Variants in TIAM1 observed in about 807,000 individuals in gnomAD.
TIAM1 encodes TIAM Rac1 associated GEF 1, also known as rho guanine nucleotide exchange factor TIAM1.
In TIAM1, 65 loss-of-function variants were observed where a neutral mutation model predicts 163.5. The observed-to-expected ratio is 0.40, with a 90% CI of 0.33 to 0.49. The LOEUF (loss-of-function observed/expected upper bound fraction) is 0.49. Among genes scored for constraint, TIAM1 ranks in the 20% least tolerant of loss-of-function variants. TIAM1 has a pLI of 0.77. For synonymous variants in TIAM1, 833 were observed against 810.1 expected, an observed-to-expected ratio of 1.03 and a Z score of -0.48; for missense variants, 1,789 against 2,044.7, an observed-to-expected ratio of 0.87 and a Z score of 2.41.
intron 15 of TIAM1, among the ~76,000 whole-genome samples, chr21:31,176,265 T>C (rs2833325): frequency 0.16 from 24,120 of 152,178 alleles, 3,596 homozygotes; most frequent in African/African-American, 0.4. Context: ...AGAGACTTTT[T>C]TGAAACCTCA....
intron 2 of TIAM1, among the ~76,000 whole-genome samples, chr21:31,414,196 T>C (rs1025365485): frequency 2.0e-5 from 3 of 152,206 alleles, no homozygotes; most frequent in Non-Finnish European, 4.4e-5. Context: ...TCATTTTCTT[T>C]GTGACAGCGG....
upstream of TIAM1, among the ~76,000 whole-genome samples, chr21:31,348,699 G>C (rs142310778): frequency 6.0e-3 from 921 of 152,270 alleles, 5 homozygotes; most frequent in African/African-American, 0.021. Context: ...GGGTCTGCTT[G>C]GGAATACGGA....
intron 2 of TIAM1, among the ~76,000 whole-genome samples, chr21:31,396,020 G>A (rs759568035): frequency 6.6e-6 from 1 of 152,128 alleles, no homozygotes; most frequent in African/African-American, 2.4e-5. Context: ...GGCTAACAGA[G>A]GTCCCCAGAG....
chr21:31,348,817 CT>C (rs141976151), upstream of TIAM1, among the ~76,000 whole-genome samples: 552 of 152,310 alleles, frequency 3.6e-3, 3 homozygotes, highest in African/African-American at 0.012. Context: ...AAAACACAGT[CT>C]TCATTAAATT....
At chr21:31,269,715 C>T (rs1378678671) in intron 3 of TIAM1, among the ~76,000 whole-genome samples, 14 of 150,418 alleles carry the variant, frequency 9.3e-5, no homozygotes, top group African/African-American at 1.7e-4. Context: ...TCTGTCGCCC[C>T]GGCTGGAGTG....
At chr21:31,472,310 T>C (rs954931060) in intron 1 of TIAM1, among the ~76,000 whole-genome samples, 5 of 152,116 alleles carry the variant, frequency 3.3e-5, no homozygotes, top group Non-Finnish European at 7.4e-5. Flanking sequence ...GCAGATCACT[T>C]GAAGGCAGGA....
chr21:31,465,784 A>G (rs1276570446), intron 1 of TIAM1, among the ~76,000 whole-genome samples: 3 of 151,728 alleles, frequency 2.0e-5, no homozygotes, highest in South Asian at 4.2e-4. Context: ...GTTAGCCTGG[A>G]TGGTCTCAAT....
Position 31,154,398 on chromosome 21 carries a change from C to A in TIAM1, c.3020G>T (p.Arg1007Leu), listed in dbSNP as rs77092908. ...AGAGGGGTTCATCTCATGCAAACTG[C>A]GGCAAAATGCGGCCACCTGTTCTGT... ...KSTEQVAAFC[R>L]SLHEMNPSDQ... is the part of the protein sequence containing the mutation. The change falls in exon 17 of 28, where the codon CGC (arginine) becomes CTC (leucine). Residue 1007 changes from arginine (R) to leucine (L), a missense_variant. Physicochemically the swap from Arg to Leu is moderately radical, Grantham distance 102. This residue lies in a region of TIAM1 where 303 missense variants were observed against 321.3 expected (regional missense o/e 0.94). Coordinates refer to ENST00000541036, the MANE Select transcript of TIAM1 (RefSeq NM_001353694.2). The A allele has an allele frequency of 2.6e-5, 42 of 1,613,798 alleles. No individual in the cohort carries two copies. The highest frequency in any genetic ancestry group is 4.0e-5 in the African/African-American group (3 of 74,880).
rs2086973458 is a variant in TIAM1 at position 31,213,100 on chromosome 21, A to G, written c.2217+298T>C. 4.1e-5 allele frequency: 13 copies of G among 315,112 alleles called. No homozygotes were observed. The South Asian group carries it at 5.4e-4, about 13-fold the overall frequency. The allele number at this position is 315,112 out of a possible 1,614,324, so 19.5% of individuals were successfully genotyped here. A position where few individuals can be genotyped will look rare whatever the true frequency, so the allele number is the denominator to read the frequency against. On this transcript the variant is annotated intron_variant, in intron 10 of 27. Transcript: ENST00000541036. ...TACATGGAAAGAAATTGGCAATGGC[A>G]TAAAATATTCAGCTATTCAGAACCC... is the stretch of plus-strand genomic sequence containing the variant.
intron 1 of TIAM1, among the ~76,000 whole-genome samples, chr21:31,493,661 G>A (rs532766842): frequency 3.3e-5 from 5 of 152,154 alleles, no homozygotes; most frequent in Non-Finnish European, 7.3e-5. Context: ...GGTTTGAGAG[G>A]CAACGAAGGG....
intron 2 of TIAM1, among the ~76,000 whole-genome samples, chr21:31,389,443 A>C (rs1448156832): frequency 6.6e-6 from 1 of 152,200 alleles, no homozygotes; most frequent in Non-Finnish European, 1.5e-5. Context: ...TCCTGACCCC[A>C]GGTGATCTGC....
intron 2 of TIAM1, among the ~76,000 whole-genome samples, chr21:31,368,693 A>T (rs2076540344): frequency 6.6e-6 from 1 of 152,226 alleles, no homozygotes; most frequent in South Asian, 2.1e-4. Context: ...TTGTAAGAAG[A>T]AAAGGACGGG....
Position 31,120,512 on chromosome 21 carries a change from A to C in TIAM1, c.4632T>G (p.Asp1544Glu). The C allele has an allele frequency of 6.2e-7, 1 of 1,614,148 alleles. No individual in the cohort carries two copies. The highest frequency in any genetic ancestry group is 1.7e-5 in the Admixed American group (1 of 60,012). Reference sequence around the variant, plus strand: ...GCTGTGCCATGCGGGACGCGTGACTATCCAGGGTTTTCCGGCCTCTTTCCC... The same window carrying C: ...GCTGTGCCATGCGGGACGCGTGACTCTCCAGGGTTTTCCGGCCTCTTTCCC... ...SQRERGRKTL[D>E]SHASRMAQLK... The change falls in exon 28 of 28, where the codon GAT becomes GAG. Residue 1544 changes from aspartate to glutamate, a missense_variant. Around this residue, in one of 5 missense-constraint regions of TIAM1, gnomAD observed 415 missense variants for 439.2 expected, o/e 0.94. Coordinates refer to ENST00000541036, the MANE Select transcript of TIAM1 (RefSeq NM_001353694.2). The surrounding 1 kb of genome is among the most constrained non-coding windows in gnomAD (Gnocchi z 4.2).
At chr21:31,504,978 G>T (rs564868439) in intron 1 of TIAM1, among the ~76,000 whole-genome samples, 21 of 152,264 alleles carry the variant, frequency 1.4e-4, no homozygotes, top group African/African-American at 4.6e-4. Context: ...CAACAAATTT[G>T]TTATTAGCCT....
chr21:31,482,348 C>T (rs13049642), intron 1 of TIAM1, among the ~76,000 whole-genome samples: 14,175 of 151,964 alleles, frequency 0.093, 905 homozygotes, highest in East Asian at 0.14. Flanking sequence ...GACAGGGTTT[C>T]ACCACGCTGT....
In TIAM1 at chr21:31,395,785, G is replaced by A. The variant is rs1191605552; in HGVS notation, c.-368-56363C>T. ...TTATTAAAAGGACGTGAGATGCATG[G>A]AATTAATGAACAACTATCTGTGAAA... On this transcript the variant is annotated intron_variant, in intron 2 of 28. Coordinates refer to the TIAM1 transcript ENST00000286827. This position sits in a 1 kb window ranked among gnomAD's most constrained non-coding sequence, Gnocchi z 7.5. Among the ~76,000 whole-genome samples, 2 of 152,112 alleles carry A rather than the reference G, an allele frequency of 1.3e-5. No individual in the cohort carries two copies. Among genetic ancestry groups the A allele is most frequent in the South Asian group, 2.1e-4 (1 of 4,818 alleles).
chr21:31,361,941 T>C (rs943182736), intron 2 of TIAM1, among the ~76,000 whole-genome samples: 6 of 152,132 alleles, frequency 3.9e-5, no homozygotes, highest in Admixed American at 2.6e-4. Flanking sequence ...TACATGCATG[T>C]AAGTGTATAT....
At chr21:31,381,114 C>T (rs2076772083) in intron 2 of TIAM1, among the ~76,000 whole-genome samples, 1 of 152,174 alleles carries the variant, frequency 6.6e-6, no homozygotes, top group South Asian at 2.1e-4. Flanking sequence ...AATACAGTCC[C>T]TTTCTTCTAT....
intron 2 of TIAM1, among the ~76,000 whole-genome samples, chr21:31,383,536 G>A (rs1357467195): frequency 6.6e-6 from 1 of 152,110 alleles, no homozygotes; most frequent in Non-Finnish European, 1.5e-5. Context: ...CTCAAAATGG[G>A]CTTTCAGAGA....
Sources: allele counts gnomAD v4.1 joint callset (sites outside exome capture counted in the v4.1 genomes callset), GRCh38; gene constraint gnomAD v4.1.1; regional missense constraint gnomAD v4.1.1; non-coding constraint Gnocchi (gnomAD v3.1); transcripts MANE v1.5; gene names NCBI Gene and HGNC (gene_info 2026-07-23, HGNC 2026-07-21).